The following ANKK1 variants were observed in gnomAD, a reference collection of about 807,000 sequenced individuals.
ANKK1 encodes ankyrin repeat and kinase domain containing 1.
In ANKK1, 37 loss-of-function variants were observed where a neutral mutation model predicts 37.6. That is an observed-to-expected ratio of 0.98 (90% CI 0.76 to 1.29). The LOEUF is 1.29. Ranked by LOEUF, ANKK1 falls within the 50% of genes most tolerant of loss-of-function variation. The pLI, the probability that ANKK1 is intolerant of heterozygous loss-of-function variation, is 0.00. For missense variants in ANKK1, 1,019 were observed against 990.6 expected, an observed-to-expected ratio of 1.03 and a Z score of -0.39; for synonymous variants, 415 against 418.7, an observed-to-expected ratio of 0.99 and a Z score of 0.11.
intron 7 of ANKK1, 29 bp from the exon 8 acceptor site, chr11:113,398,935 T>C: frequency 6.5e-7 from 1 of 1,539,484 alleles, no homozygotes; most frequent in South Asian, 1.2e-5. Context: ...CACAGGTCTT[T>C]TTTTTCAACC....
In ANKK1 at chr11:113,399,043, C is replaced by T. The variant is rs531041451; in HGVS notation, c.1074C>T (p.Ile358=). 8 of 1,603,328 alleles carry T rather than the reference C, an allele frequency of 5.0e-6. No homozygotes were observed. In the South Asian group the frequency reaches 6.8e-5, roughly 14 times the overall value. Residue 358 remains isoleucine (I), a synonymous_variant, in exon 8 of 8, where the codon ATC becomes ATT. Coordinates refer to ENST00000303941, the MANE Select transcript of ANKK1 (RefSeq NM_178510.2). The part of the protein sequence containing the change: ...NLVPRDEELC[I]YENKVTPLHF... The stretch of plus-strand genomic sequence containing the variant: ...TCCCGAGAGATGAGGAACTGTGTAT[C>T]TATGAGAACAAGGTCACCCCCCTCC...
intron 1 of ANKK1, among the ~76,000 whole-genome samples, chr11:113,392,493 C>T (rs548890487): frequency 4.5e-4 from 69 of 152,278 alleles, no homozygotes; most frequent in African/African-American, 1.5e-3. Context: ...AGGGAGACCC[C>T]GGGAGCACAT....
At chr11:113,393,448 C>A (rs752944884) in intron 1 of ANKK1, 33 bp from the exon 2 acceptor site, 1 of 1,585,236 alleles carries the variant, frequency 6.3e-7, no homozygotes, top group East Asian at 2.2e-5. Context: ...GAATGGGTCA[C>A]CCCCTTCCAT....
In ANKK1 at chr11:113,394,919, C is replaced by A; in HGVS notation, c.481-10C>A. Reference sequence around the variant, plus strand: ...ATCACGGCTTTATCTCTGCCCCTGCCTTCTCCCAGATTTCAGACTTCGGCC... The same window carrying A: ...ATCACGGCTTTATCTCTGCCCCTGCATTCTCCCAGATTTCAGACTTCGGCC... On this transcript the variant is annotated splice_polypyrimidine_tract_variant and intron_variant, in intron 2 of 7. Coordinates refer to ENST00000303941, the MANE Select transcript of ANKK1 (RefSeq NM_178510.2). 1 of 1,604,398 alleles carries A rather than the reference C, an allele frequency of 6.2e-7. No individual in the cohort carries two copies. Among genetic ancestry groups the A allele is most frequent in the Non-Finnish European group, 8.5e-7 (1 of 1,172,938 alleles).
rs1042576717 is a variant in ANKK1 at position 113,387,824 on chromosome 11, G to A, written c.-61G>A. On this transcript the variant is annotated 5_prime_UTR_variant, in exon 1 of 8. Coordinates refer to ENST00000303941, the MANE Select transcript of ANKK1 (RefSeq NM_178510.2). ...AGGAGCAGGAAGCGGCGGCTCCTTC[G>A]GCCACCCAGGCAGCAGCCACAGCGG... 18 of 1,423,228 alleles carry A rather than the reference G, an allele frequency of 1.3e-5. 1 individual carries two copies. The highest frequency in any genetic ancestry group is 1.7e-5 in the Non-Finnish European group (18 of 1,086,848). 88.2% of individuals were successfully genotyped at this position (1,423,228 alleles called of 1,614,324 possible). A position where few individuals can be genotyped will look rare whatever the true frequency, so the allele number is the denominator to read the frequency against.
intron 1 of ANKK1, among the ~76,000 whole-genome samples, chr11:113,388,723 T>C (rs1327718751): frequency 6.6e-6 from 1 of 152,242 alleles, no homozygotes; most frequent in Non-Finnish European, 1.5e-5. Context: ...GACATGCCCC[T>C]ATTTTTCTCT....
chr11:113,399,644 A>G lies in ANKK1; in HGVS notation c.1675A>G (p.Ser559Gly). 1.2e-6 allele frequency: 2 copies of G among 1,605,238 alleles called. No individual in the cohort carries two copies. Among genetic ancestry groups the G allele is most frequent in the African/African-American group, 1.3e-5 (1 of 74,864 alleles). The stretch of plus-strand genomic sequence containing the variant: ...AGCGGTCCCTGATGCCCTTGACCAG[A>G]GCGGCTACGGCCCACTGCACACTGC... ...SGAVPDALDQ[S>G]GYGPLHTAAA... Residue 559 changes from serine to glycine, a missense_variant, in exon 8 of 8, where the codon AGC becomes GGC. Physicochemically the swap from Ser to Gly is moderately conservative, Grantham distance 56. Coordinates refer to ENST00000303941, the MANE Select transcript of ANKK1 (RefSeq NM_178510.2).
At position 113,399,360 on chromosome 11, in the gene ANKK1, C is replaced by T. The variant is rs1950670803; in HGVS notation, c.1391C>T (p.Pro464Leu). Reference protein sequence around the residue: ...VDAQEREGWTPLHLAAQNNFE... With the variant: ...VDAQEREGWTLLHLAAQNNFE... Reference sequence around the variant, plus strand: ...GCCCAGGAACGTGAAGGGTGGACCCCTCTTCACCTGGCTGCACAGAATAAC... The same window carrying T: ...GCCCAGGAACGTGAAGGGTGGACCCTTCTTCACCTGGCTGCACAGAATAAC... The change falls in exon 8 of 8, where the codon CCT becomes CTT. Residue 464 changes from proline to leucine, a missense_variant. Pro to Leu is a moderately conservative substitution (Grantham distance 98, BLOSUM62 -3). Coordinates refer to ENST00000303941, the MANE Select transcript of ANKK1 (RefSeq NM_178510.2). 1 of 1,600,752 alleles carries T rather than the reference C, an allele frequency of 6.2e-7. No individual in the cohort carries two copies. Among genetic ancestry groups the T allele is most frequent in the African/African-American group, 1.3e-5 (1 of 74,672 alleles).
chr11:113,389,449 C>T (rs1229868706), intron 1 of ANKK1, among the ~76,000 whole-genome samples: 1 of 152,208 alleles, frequency 6.6e-6, no homozygotes, highest in African/African-American at 2.4e-5. Context: ...CACTGTTCTA[C>T]ACCCTGGGAT....
chr11:113,393,925 A>G lies in ANKK1; in HGVS notation c.480+150A>G, dbSNP rs564396536. On this transcript the variant is annotated intron_variant, in intron 2 of 7. Transcript: ENST00000303941. ...AAAGGCAGGGATCACACTGCAATAG[A>G]GATGGCTAAGCAGTGAAATTTGGGG... 16 of 980,466 alleles carry G rather than the reference A, an allele frequency of 1.6e-5. No homozygotes were observed. In the East Asian group the frequency reaches 4.0e-4, roughly 24 times the overall value. The allele number at this position is 980,466 out of a possible 1,614,324, so 60.7% of individuals were successfully genotyped here.
At chr11:113,398,864 T>C (rs973588048) in intron 7 of ANKK1, 100 bp from the exon 8 acceptor site, 2 of 1,058,644 alleles carry the variant, frequency 1.9e-6, no homozygotes, top group African/African-American at 3.2e-5. Flanking sequence ...TGCTCTAGCC[T>C]CTGTTCCTGG....
chr11:113,388,661 T>A lies in ANKK1; in HGVS notation c.185+592T>A, dbSNP rs79729047. ...GAGGGTCAAGTCTGGAGTTCTCTCA[T>A]CTCTGTTTTTGTTTTTGTCCCTTGC... is the stretch of plus-strand genomic sequence containing the variant. On this transcript the variant is annotated intron_variant, in intron 1 of 7. Transcript: ENST00000303941. Among the ~76,000 whole-genome samples, 1,016 of 152,324 alleles carry A rather than the reference T, an allele frequency of 6.7e-3. 14 individuals are homozygous for A. The highest frequency in any genetic ancestry group is 0.023 in the African/African-American group (954 of 41,588).
intron 1 of ANKK1, among the ~76,000 whole-genome samples, chr11:113,390,176 G>A (rs34601878): frequency 0.36 from 55,009 of 152,132 alleles, 12,959 homozygotes; most frequent in Non-Finnish European, 0.53. Context: ...CACTCCATGA[G>A]AGTGTCTGTT....
In ANKK1 at chr11:113,399,961, C is replaced by G. The variant is rs1193743667; in HGVS notation, c.1992C>G (p.His664Gln). ...AAEQSGWTPL[H>Q]LAVQRSTFLS... ...AGCAGTCAGGCTGGACACCCCTCCA[C>G]CTGGCGGTCCAGAGGAGCACCTTCC... Residue 664 changes from histidine to glutamine, a missense_variant, in exon 8 of 8, where the codon CAC becomes CAG. Coordinates refer to ENST00000303941, the MANE Select transcript of ANKK1 (RefSeq NM_178510.2). 2 of 1,613,534 alleles carry G rather than the reference C, an allele frequency of 1.2e-6. No individual in the cohort carries two copies. Among genetic ancestry groups the G allele is most frequent in the African/African-American group, 2.7e-5 (2 of 74,914 alleles).
chr11:113,391,188 C>A (rs1455386548), intron 1 of ANKK1, among the ~76,000 whole-genome samples: 1 of 152,142 alleles, frequency 6.6e-6, no homozygotes, highest in Non-Finnish European at 1.5e-5. Flanking sequence ...GAGGTGGGAC[C>A]ACACTGGGCA....
intron 6 of ANKK1, among the ~76,000 whole-genome samples, chr11:113,397,760 A>G (rs965793006): frequency 2.6e-5 from 4 of 152,214 alleles, no homozygotes; most frequent in African/African-American, 7.2e-5. Context: ...GGGGAAGGCA[A>G]GGCCCTGAGC....
In ANKK1 at chr11:113,388,182, C is replaced by A. The variant is rs1328803546; in HGVS notation, c.185+113C>A. The stretch of plus-strand genomic sequence containing the variant: ...GGCTGAGTTTGGGGCTGAGGACTGT[C>A]CCCCGCGGTATTTCTGAATTCCACC... On this transcript the variant is annotated intron_variant, in intron 1 of 7. Coordinates refer to ENST00000303941, the MANE Select transcript of ANKK1 (RefSeq NM_178510.2). 3 of 1,314,394 alleles carry A rather than the reference C, an allele frequency of 2.3e-6. No homozygotes were observed. In the East Asian group the frequency reaches 8.2e-5, roughly 36 times the overall value. The allele number at this position is 1,314,394 out of a possible 1,614,324, so 81.4% of individuals were successfully genotyped here.
chr11:113,395,116 G>A, intron 3 of ANKK1, 36 bp downstream of exon 3: 1 of 1,568,942 alleles, frequency 6.4e-7, no homozygotes, highest in South Asian at 1.2e-5. Context: ...CACACACCCA[G>A]CAGGCAGTTT....
chr11:113,395,151 T>A (rs1323720132), intron 3 of ANKK1, 71 bp downstream of exon 3: 17 of 1,533,620 alleles, frequency 1.1e-5, no homozygotes, highest in African/African-American at 4.1e-5. Flanking sequence ...GCCTGGCCTC[T>A]ATGGCCCAAA....
Sources: gnomAD v4.1 joint callset for allele counts (sites outside exome capture counted in the v4.1 genomes callset) on GRCh38, gnomAD v4.1.1 for gene constraint, MANE v1.5 for transcripts, NCBI Gene and HGNC (gene_info 2026-07-23, HGNC 2026-07-21) for gene names.